Variants in SULF2 observed in about 807,000 individuals in gnomAD.
SULF2 encodes the protein extracellular sulfatase Sulf-2.
A neutral mutation model predicts 107.7 loss-of-function variants in SULF2; 52 were observed. The observed-to-expected ratio is 0.48, with a 90% confidence interval of 0.39 to 0.61. The LOEUF is 0.61. Ranked by LOEUF, SULF2 falls within the 20% of genes least tolerant of loss-of-function variation. SULF2 has a pLI of 0.00. For synonymous variants in SULF2, 460 were observed against 464.3 expected (o/e 0.99, Z 0.12); for missense variants, 993 against 1,177.3 (o/e 0.84, Z 2.29).
intron 3 of SULF2, among the ~76,000 whole-genome samples, chr20:47,726,168 A>C (rs1485874528): frequency 6.6e-6 from 1 of 151,638 alleles, no homozygotes; most frequent in Non-Finnish European, 1.5e-5. Flanking sequence ...GCTGTGTGTC[A>C]CTCCCCACTC....
chr20:47,698,274 T>G (rs1295629164), intron 4 of SULF2, among the ~76,000 whole-genome samples: 2 of 152,184 alleles, frequency 1.3e-5, no homozygotes, highest in Admixed American at 6.5e-5. Flanking sequence ...CAGCCAACGT[T>G]CCAGCGTAGA....
chr20:47,781,832 A>G (rs1396132544), intron 1 of SULF2, among the ~76,000 whole-genome samples: 1 of 152,064 alleles, frequency 6.6e-6, no homozygotes, highest in Non-Finnish European at 1.5e-5. Flanking sequence ...TGGCTCTCCT[A>G]GCCACGGTGC....
At chr20:47,662,440 T>A (rs1305362168) in intron 17 of SULF2, among the ~76,000 whole-genome samples, 1 of 152,208 alleles carries the variant, frequency 6.6e-6, no homozygotes, top group Admixed American at 6.5e-5. Context: ...CATTTAAACA[T>A]CAGATTTCAT....
chr20:47,776,183 C>T (rs778638339), intron 1 of SULF2, among the ~76,000 whole-genome samples: 5 of 152,258 alleles, frequency 3.3e-5, no homozygotes, highest in Non-Finnish European at 5.9e-5. Flanking sequence ...GTGGGGACCA[C>T]ATCTCCCCAT....
At chr20:47,779,641 C>T (rs1483769238) in intron 1 of SULF2, among the ~76,000 whole-genome samples, 1 of 152,214 alleles carries the variant, frequency 6.6e-6, no homozygotes, top group African/African-American at 2.4e-5. Context: ...GAGTCTTGCT[C>T]TGTCACTCAG....
At chr20:47,676,455 A>T in intron 10 of SULF2, 39 bp downstream of exon 10, 1 of 1,595,184 alleles carries the variant, frequency 6.3e-7, no homozygotes, top group Non-Finnish European at 8.5e-7. Context: ...GGCTGCAGTC[A>T]GGAGGGGGAG....
At chr20:47,672,527 C>T in intron 10 of SULF2, 134 bp from the exon 11 acceptor site, 1 of 1,433,200 alleles carries the variant, frequency 7.0e-7, no homozygotes, top group Non-Finnish European at 9.1e-7. Context: ...CCCACCTCTG[C>T]TATCTCCAAT....
intron 3 of SULF2, among the ~76,000 whole-genome samples, chr20:47,711,380 C>T (rs778093038): frequency 6.6e-6 from 1 of 152,244 alleles, no homozygotes; most frequent in Non-Finnish European, 1.5e-5. Context: ...CACCCCCACC[C>T]ACTGCTATGC....
At chr20:47,664,341 T>C in intron 14 of SULF2, 152 bp from the exon 15 acceptor site, 1 of 707,430 alleles carries the variant, frequency 1.4e-6, no homozygotes, top group East Asian at 2.7e-5. Context: ...CATGACCCTA[T>C]CCTCAGGGCA....
intron 10 of SULF2, among the ~76,000 whole-genome samples, chr20:47,672,851 C>G (rs1402763677): frequency 6.6e-6 from 1 of 152,220 alleles, no homozygotes; most frequent in Non-Finnish European, 1.5e-5. Flanking sequence ...TCTCCAGTAT[C>G]CCCTGTGGGC....
intron 2 of SULF2, among the ~76,000 whole-genome samples, chr20:47,749,559 T>G (rs2090117723): frequency 1.3e-5 from 2 of 152,276 alleles, no homozygotes; most frequent in African/African-American, 4.8e-5. Context: ...TCTGGGTATG[T>G]TGTCCTGGGC....
chr20:47,677,946 GC>G (rs2087704586), intron 8 of SULF2: 1 of 152,290 alleles, frequency 6.6e-6, no homozygotes, highest in Non-Finnish European at 1.5e-5. Flanking sequence ...GAAGGGCTCC[GC>G]TGCCAGAGGT....
intron 4 of SULF2, among the ~76,000 whole-genome samples, chr20:47,690,926 T>A (rs865936469): frequency 6.6e-6 from 1 of 152,068 alleles, no homozygotes; most frequent in African/African-American, 2.4e-5. Context: ...GTGCTTACGA[T>A]GTGCCAAGGA....
At chr20:47,772,605 A>G (rs146133925) in intron 1 of SULF2, among the ~76,000 whole-genome samples, 145 of 152,218 alleles carry the variant, frequency 9.5e-4, no homozygotes, top group Non-Finnish European at 1.8e-3. Context: ...GGGAAAAAGG[A>G]AAAGTTAAAG....
chr20:47,763,103 C>A (rs542808878), intron 1 of SULF2, among the ~76,000 whole-genome samples: 24 of 152,154 alleles, frequency 1.6e-4, no homozygotes, highest in Admixed American at 6.5e-4. Context: ...AGTGAACTCA[C>A]GCAGCACCAG....
intron 5 of SULF2, among the ~76,000 whole-genome samples, chr20:47,687,310 GGGA>G (rs1315149834): frequency 3.3e-5 from 5 of 152,218 alleles, no homozygotes; most frequent in Non-Finnish European, 5.9e-5. Context: ...GGCTCCCCCA[GGGA>G]GGATGTCGGC....
chr20:47,745,411 AT>A (rs1367593029), intron 2 of SULF2, among the ~76,000 whole-genome samples: 76 of 4,912 alleles, frequency 0.015, 2 homozygotes, highest in South Asian at 0.037. Flanking sequence ...AAAAAAAAAA[AT>A]ATATATATAT....
At chr20:47,738,309 T>C (rs902671290) in intron 2 of SULF2, among the ~76,000 whole-genome samples, 2 of 152,224 alleles carry the variant, frequency 1.3e-5, no homozygotes, top group Non-Finnish European at 2.9e-5. Context: ...CCCTTAGTGA[T>C]TTGATGGAAA....
At chr20:47,725,345 T>C (rs2089410925) in intron 3 of SULF2, among the ~76,000 whole-genome samples, 2 of 152,120 alleles carry the variant, frequency 1.3e-5, no homozygotes, top group Non-Finnish European at 2.9e-5. Context: ...CAGATGACAA[T>C]AAACATAAAA....
Sources: allele counts gnomAD v4.1 joint callset (sites outside exome capture counted in the v4.1 genomes callset), GRCh38; gene constraint gnomAD v4.1.1; transcripts MANE v1.5; gene names NCBI Gene and HGNC (gene_info 2026-07-23, HGNC 2026-07-21).